MTHFD2L: variants seen among roughly 807,000 people sequenced by gnomAD.
The protein encoded by MTHFD2L is methylenetetrahydrofolate dehydrogenase (NADP+ dependent) 2 like.
Under a neutral mutation model 34.9 loss-of-function variants are expected in MTHFD2L, and 29 were observed. The observed-to-expected ratio is 0.83, with a 90% CI of 0.62 to 1.13. The LOEUF (loss-of-function observed/expected upper bound fraction) is 1.13. MTHFD2L is among the 50% of genes most tolerant of loss of function. The pLI, the probability that MTHFD2L is intolerant of heterozygous loss-of-function variation, is 0.00. For synonymous variants in MTHFD2L, 167 were observed against 155.7 expected (o/e 1.07, Z -0.54); for missense variants, 481 against 446.5 (o/e 1.08, Z -0.70).
At position 74,190,614 on chromosome 4, in the gene MTHFD2L, C is replaced by T. The variant is rs73824415; in HGVS notation, c.452-9180C>T. On this transcript the variant is annotated intron_variant, in intron 3 of 7. Coordinates refer to ENST00000325278, the MANE Select transcript of MTHFD2L (RefSeq NM_001144978.3). ...GTGTGTTCCCATTCCTTTTCTGTCCCCTTGTCCCTTGATGTTGAAACAACT... is the reference window on the plus strand; with the variant it reads ...GTGTGTTCCCATTCCTTTTCTGTCCTCTTGTCCCTTGATGTTGAAACAACT... 9,475 of 647,108 alleles carry T rather than the reference C, an allele frequency of 0.015. 749 individuals are homozygous for T. The African/African-American group carries it at 0.17, about 12-fold the overall frequency. The allele number at this position is 647,108 out of a possible 1,614,324, so 40.1% of individuals were successfully genotyped here. A position where few individuals can be genotyped will look rare whatever the true frequency, so the allele number is the denominator to read the frequency against.
intron 6 of MTHFD2L, among the ~76,000 whole-genome samples, chr4:74,236,647 T>A (rs982413561): frequency 5.9e-5 from 9 of 152,272 alleles, no homozygotes; most frequent in African/African-American, 1.7e-4. Flanking sequence ...AGTAAATGAT[T>A]ATCTCTGCAT....
intron 6 of MTHFD2L, among the ~76,000 whole-genome samples, chr4:74,253,368 T>C (rs1043557669): frequency 3.3e-5 from 5 of 151,734 alleles, no homozygotes; most frequent in African/African-American, 1.2e-4. Context: ...AACATGAATT[T>C]GAACAAACAT....
intron 1 of MTHFD2L, among the ~76,000 whole-genome samples, chr4:74,167,864 A>G (rs568626485): frequency 1.2e-4 from 18 of 152,230 alleles, no homozygotes; most frequent in Admixed American, 5.2e-4. Context: ...TTTTCCCCCA[A>G]TTTCTCAGGT....
intron 5 of MTHFD2L, among the ~76,000 whole-genome samples, chr4:74,218,689 T>G (rs1011409238): frequency 1.3e-5 from 2 of 152,028 alleles, no homozygotes; most frequent in Admixed American, 6.6e-5. Context: ...TTTGTTTTTT[T>G]ATAAATAGCA....
intron 1 of MTHFD2L, among the ~76,000 whole-genome samples, chr4:74,129,118 T>C (rs1253712922): frequency 1.3e-5 from 2 of 152,064 alleles, no homozygotes; most frequent in African/African-American, 4.8e-5. Flanking sequence ...CTTTTAAATA[T>C]AACAAGTTAT....
At chr4:74,266,969 A>G (rs1745356599) in intron 6 of MTHFD2L, 1 of 985,320 alleles carries the variant, frequency 1.0e-6, no homozygotes, top group African/African-American at 1.7e-5. Context: ...AAATTGGACT[A>G]ATTGGTTTTT....
At chr4:74,185,010 G>C (rs1730888233) in intron 3 of MTHFD2L, among the ~76,000 whole-genome samples, 1 of 151,734 alleles carries the variant, frequency 6.6e-6, no homozygotes, top group African/African-American at 2.4e-5. Context: ...AAATTAGCTG[G>C]GCGTGGTAGC....
upstream of MTHFD2L, among the ~76,000 whole-genome samples, chr4:74,124,646 T>G (rs906287984): frequency 3.9e-5 from 6 of 152,036 alleles, no homozygotes; most frequent in Non-Finnish European, 5.9e-5. Flanking sequence ...ATCATCATAT[T>G]CAAATTTAAA....
intron 6 of MTHFD2L, among the ~76,000 whole-genome samples, chr4:74,270,904 C>T (rs1745893010): frequency 1.3e-5 from 2 of 152,002 alleles, no homozygotes; most frequent in Admixed American, 1.3e-4. Flanking sequence ...TTTTGATTTG[C>T]ATTTCTCTGA....
chr4:74,230,090 A>G (rs1739785485), intron 6 of MTHFD2L, among the ~76,000 whole-genome samples: 2 of 152,230 alleles, frequency 1.3e-5, no homozygotes. Context: ...AGCCGATATA[A>G]TCTAATTTTT....
At chr4:74,247,037 G>A (rs1173475983) in intron 6 of MTHFD2L, among the ~76,000 whole-genome samples, 1 of 148,320 alleles carries the variant, frequency 6.7e-6, no homozygotes, top group Non-Finnish European at 1.5e-5. Context: ...TAGCTTGATG[G>A]GGATGGCATT....
chr4:74,166,246 C>A (rs1726671959), intron 1 of MTHFD2L, among the ~76,000 whole-genome samples: 1 of 152,184 alleles, frequency 6.6e-6, no homozygotes, highest in Admixed American at 6.5e-5. Flanking sequence ...TCTGTAGGCC[C>A]ACACTCTGTC....
intron 5 of MTHFD2L, among the ~76,000 whole-genome samples, chr4:74,212,056 T>G (rs898674087): frequency 4.6e-5 from 7 of 152,186 alleles, no homozygotes; most frequent in African/African-American, 1.7e-4. Context: ...TTTTGTTGTA[T>G]CTATTTGATT....
chr4:74,234,448 A>T (rs935322279), intron 6 of MTHFD2L, among the ~76,000 whole-genome samples: 1 of 152,072 alleles, frequency 6.6e-6, no homozygotes, highest in Non-Finnish European at 1.5e-5. Context: ...CACTATTTCT[A>T]TAATACTCAA....
chr4:74,252,318 C>T (rs139973912), intron 6 of MTHFD2L, among the ~76,000 whole-genome samples: 184 of 151,484 alleles, frequency 1.2e-3, no homozygotes, highest in South Asian at 2.1e-3. Context: ...TGCAAACTTA[C>T]GGCAAGAGAC....
intron 3 of MTHFD2L, among the ~76,000 whole-genome samples, chr4:74,199,436 T>C (rs1734031421): frequency 6.6e-6 from 1 of 152,212 alleles, no homozygotes; most frequent in African/African-American, 2.4e-5. Context: ...TCTTGTGTCA[T>C]AGAAATGTGG....
intron 3 of MTHFD2L, chr4:74,190,622 C>T: frequency 1.7e-6 from 1 of 592,764 alleles, no homozygotes; most frequent in Non-Finnish European, 2.1e-6. Context: ...CCCCTTGTCC[C>T]TTGATGTTGA....
chr4:74,228,685 T>C (rs1173245729), intron 6 of MTHFD2L, among the ~76,000 whole-genome samples: 1 of 152,068 alleles, frequency 6.6e-6, no homozygotes, highest in Non-Finnish European at 1.5e-5. Flanking sequence ...GCTTTCTTTG[T>C]AAAGGCCTAA....
chr4:74,285,136 A>G (rs1256037722), intron 7 of MTHFD2L, among the ~76,000 whole-genome samples: 1 of 152,060 alleles, frequency 6.6e-6, no homozygotes, highest in East Asian at 1.9e-4. Context: ...TGGGAACTGA[A>G]CAATGAGAAC....
Sources: allele counts gnomAD v4.1 joint callset (sites outside exome capture counted in the v4.1 genomes callset), GRCh38; gene constraint gnomAD v4.1.1; transcripts MANE v1.5; gene names NCBI Gene and HGNC (gene_info 2026-07-23, HGNC 2026-07-21).